The following HIRA variants were observed in gnomAD, a reference collection of about 807,000 sequenced individuals.
HIRA encodes the protein histone cell cycle regulator, also known as protein HIRA.
HIRA carries 13 observed loss-of-function variants against 126.6 expected under a neutral mutation model. The ratio of observed to expected loss-of-function variants is 0.10; its 90% CI spans 0.07 to 0.16. The LOEUF is 0.16. HIRA is among the 10% of genes least tolerant of loss of function. The pLI, the probability that HIRA is intolerant of heterozygous loss-of-function variation, is 1.00. For missense variants in HIRA, 834 were observed against 1,314.4 expected (o/e 0.63, Z 5.65); for synonymous variants, 511 against 520.0 (o/e 0.98, Z 0.24).
chr22:19,360,191 G>C (rs567073671), intron 17 of HIRA, among the ~76,000 whole-genome samples: 22 of 152,230 alleles, frequency 1.4e-4, no homozygotes, highest in Admixed American at 1.0e-3. Context: ...GGGTGAGCTG[G>C]GCCGAGGGCT....
At chr22:19,390,411 G>A (rs2089167520) in intron 9 of HIRA, among the ~76,000 whole-genome samples, 1 of 151,772 alleles carries the variant, frequency 6.6e-6, no homozygotes. Context: ...TGGACAACAT[G>A]GTGAAACCCC....
At chr22:19,420,048 G>A (rs1470158756) in intron 1 of HIRA, among the ~76,000 whole-genome samples, 1 of 151,122 alleles carries the variant, frequency 6.6e-6, no homozygotes, top group African/African-American at 2.4e-5. Context: ...CATTGTGTGT[G>A]TGTGTGTGTG....
chr22:19,361,172 T>A, intron 17 of HIRA, 65 bp downstream of exon 17: 1 of 1,189,266 alleles, frequency 8.4e-7, no homozygotes, highest in Middle Eastern at 1.9e-4. Flanking sequence ...AGGATTTGTA[T>A]GCAGTAGGGG....
intron 15 of HIRA, among the ~76,000 whole-genome samples, chr22:19,369,931 A>C (rs1371057224): frequency 1.3e-5 from 2 of 152,172 alleles, no homozygotes; most frequent in African/African-American, 4.8e-5. Context: ...TCTGTCTCAA[A>C]AAACAAACAA....
intron 8 of HIRA, 47 bp from the exon 9 acceptor site, chr22:19,392,261 C>T: frequency 8.1e-7 from 1 of 1,231,868 alleles, no homozygotes; most frequent in Non-Finnish European, 1.2e-6. Context: ...AAGCATCAGG[C>T]ATGTCCCCTG....
chr22:19,385,261 A>C (rs1009787), intron 12 of HIRA, among the ~76,000 whole-genome samples: 29,986 of 152,194 alleles, frequency 0.2, 5,937 homozygotes, highest in African/African-American at 0.5. Context: ...GAAAGACCAG[A>C]AGGATAAAAT....
At chr22:19,335,739 G>A (rs5993606) in intron 24 of HIRA, among the ~76,000 whole-genome samples, 64,976 of 151,866 alleles carry the variant, frequency 0.43, 15,099 homozygotes, top group Non-Finnish European at 0.52. Flanking sequence ...CTCTCATATA[G>A]CAAAGTATCT....
At chr22:19,386,748 A>G (rs1187938932) in intron 11 of HIRA, among the ~76,000 whole-genome samples, 3 of 152,204 alleles carry the variant, frequency 2.0e-5, no homozygotes, top group African/African-American at 7.2e-5. Flanking sequence ...AGTGACTCCA[A>G]GGGAGTGCAT....
At chr22:19,353,131 G>A (rs1556011360) in intron 23 of HIRA, among the ~76,000 whole-genome samples, 2 of 152,224 alleles carry the variant, frequency 1.3e-5, no homozygotes, top group African/African-American at 4.8e-5. Flanking sequence ...CCTGCTGCCT[G>A]TCCTGCTGCT....
At chr22:19,420,462 CAAAA>C (rs760003741) in intron 1 of HIRA, among the ~76,000 whole-genome samples, 1 of 63,594 alleles carries the variant, frequency 1.6e-5, no homozygotes, top group Non-Finnish European at 3.2e-5. Context: ...AAAACTGTCT[CAAAA>C]AAAAAAAAAA....
At position 19,407,166 on chromosome 22, in the gene HIRA, A is replaced by G. The variant is rs118076487; in HGVS notation, c.302+18T>C. On this transcript the variant is annotated intron_variant, in intron 4 of 24. Coordinates refer to ENST00000263208, the MANE Select transcript of HIRA (RefSeq NM_003325.4). ...AGCTTCTAAAAATAAAATGTGAAGA[A>G]AGGAAAATGATGCTTACGTAGCCCG... is the stretch of plus-strand genomic sequence containing the variant. 2,108 of 1,597,144 alleles carry G rather than the reference A, an allele frequency of 1.3e-3. 40 individuals are homozygous for G. In the East Asian group the frequency reaches 0.042, roughly 32 times the overall value.
At chr22:19,371,722 A>G (rs1216346443) in intron 15 of HIRA, among the ~76,000 whole-genome samples, 1 of 152,204 alleles carries the variant, frequency 6.6e-6, no homozygotes, top group South Asian at 2.1e-4. Flanking sequence ...GAATCATACA[A>G]CCTATGATCC....
chr22:19,398,094 GA>G lies in HIRA; in HGVS notation c.398-8del. 1 of 1,610,280 alleles carries G rather than the reference GA, an allele frequency of 6.2e-7. No individual in the cohort carries two copies. The highest frequency in any genetic ancestry group is 8.5e-7 in the Non-Finnish European group (1 of 1,176,690). Reference sequence around the variant, plus strand: ...CATGCTACATCCATCACATCTGAAAGAAGACAGAGGGTTCTGGTGAGATCTC... The same window carrying G: ...CATGCTACATCCATCACATCTGAAAGAGACAGAGGGTTCTGGTGAGATCTC... On this transcript the variant is annotated splice_region_variant and splice_polypyrimidine_tract_variant and intron_variant, in intron 5 of 24. Transcript: ENST00000263208.
At chr22:19,389,907 T>C (rs1182378906) in intron 9 of HIRA, among the ~76,000 whole-genome samples, 4 of 149,878 alleles carry the variant, frequency 2.7e-5, no homozygotes, top group Non-Finnish European at 5.9e-5. Context: ...TATTTCTCTA[T>C]ACCAAACTAA....
In HIRA at chr22:19,361,734, G is replaced by T; in HGVS notation, c.1973C>A (p.Ser658Tyr). 6.2e-7 allele frequency: 1 copy of T among 1,612,432 alleles called. No homozygotes were observed. The highest frequency in any genetic ancestry group is 8.5e-7 in the Non-Finnish European group (1 of 1,180,020). Residue 658 changes from serine to tyrosine, a missense_variant, in exon 16 of 25, where the codon TCT becomes TAT. Ser to Tyr is a moderately radical substitution (Grantham distance 144). Around this residue, in one of 5 missense-constraint regions of HIRA, gnomAD observed 468 missense variants for 574.2 expected, o/e 0.82. Transcript: ENST00000263208. Reference sequence around the variant, plus strand: ...TGGGCCCACTGGCCTCACCTGGACAGACAGAGACACAGGCATGAGACGAGA... The same window carrying T: ...TGGGCCCACTGGCCTCACCTGGACATACAGAGACACAGGCATGAGACGAGA... ...KDSRLMPVSL[S>Y]VQSPAALTAE...
At chr22:19,378,548 T>C (rs2089040652) in intron 13 of HIRA, among the ~76,000 whole-genome samples, 1 of 152,266 alleles carries the variant, frequency 6.6e-6, no homozygotes. Context: ...GGTATTGCAG[T>C]GTCAGAACTG....
intron 7 of HIRA, among the ~76,000 whole-genome samples, chr22:19,395,514 C>T (rs1188987375): frequency 6.6e-6 from 1 of 152,196 alleles, no homozygotes; most frequent in Non-Finnish European, 1.5e-5. Flanking sequence ...TAGGGCAAGA[C>T]TAAGTAAGGT....
At chr22:19,383,471 G>T in intron 13 of HIRA, 149 bp downstream of exon 13, 1 of 657,560 alleles carries the variant, frequency 1.5e-6, no homozygotes, top group East Asian at 2.7e-5. Context: ...TTGAGACTGC[G>T]GGAAGCTGAG....
At chr22:19,366,311 G>A (rs566333964) in intron 15 of HIRA, among the ~76,000 whole-genome samples, 4 of 151,314 alleles carry the variant, frequency 2.6e-5, no homozygotes, top group South Asian at 2.1e-4. Flanking sequence ...GCAGTGAGCC[G>A]AGACCGCACC....
Sources: allele counts gnomAD v4.1 joint callset (sites outside exome capture counted in the v4.1 genomes callset), GRCh38; gene constraint gnomAD v4.1.1; regional missense constraint gnomAD v4.1.1; transcripts MANE v1.5; gene names NCBI Gene and HGNC (gene_info 2026-07-23, HGNC 2026-07-21).